Variants in DMGDH observed in about 807,000 individuals in gnomAD.
DMGDH encodes the protein dimethylglycine dehydrogenase, mitochondrial.
A neutral mutation model predicts 95.2 loss-of-function variants in DMGDH; 76 were observed. The ratio of observed to expected loss-of-function variants is 0.80; its 90% CI spans 0.66 to 0.97. DMGDH has a LOEUF of 0.97. DMGDH is among the 50% of genes least tolerant of loss of function. DMGDH has a pLI of 0.00. For synonymous variants in DMGDH, 345 were observed against 377.6 expected, an observed-to-expected ratio of 0.91 and a Z score of 1.00; for missense variants, 987 against 1,055.0, an observed-to-expected ratio of 0.94 and a Z score of 0.89.
chr5:79,044,915 A>T (rs533654013), intron 5 of DMGDH, among the ~76,000 whole-genome samples: 298 of 152,328 alleles, frequency 2.0e-3, no homozygotes, highest in Middle Eastern at 3.4e-3. Flanking sequence ...CCGTAACAAG[A>T]CTGCCCATAT....
At chr5:79,021,187 C>T (rs755199455) in intron 14 of DMGDH, 118 of 993,240 alleles carry the variant, frequency 1.2e-4, no homozygotes, top group Middle Eastern at 1.0e-3. Flanking sequence ...CTACGGAGCA[C>T]TTCCCACAAG....
At chr5:79,065,335 C>T (rs566758701) in intron 1 of DMGDH, among the ~76,000 whole-genome samples, 1 of 151,726 alleles carries the variant, frequency 6.6e-6, no homozygotes, top group African/African-American at 2.4e-5. Context: ...CCTTAGCCTC[C>T]CGAGTAGCTG....
intron 5 of DMGDH, among the ~76,000 whole-genome samples, chr5:79,050,265 AAAAAAAAAATATATATATATAT>A (rs1336056542): frequency 1.9e-5 from 1 of 52,658 alleles, no homozygotes; most frequent in Non-Finnish European, 3.7e-5. Context: ...AAAAAAAAAA[AAAAAAAAAATATATATATATAT>A]ATATATATAT....
chr5:79,008,935 T>G (rs762629129), intron 14 of DMGDH, among the ~76,000 whole-genome samples: 26 of 152,172 alleles, frequency 1.7e-4, no homozygotes, highest in Non-Finnish European at 3.5e-4. Flanking sequence ...TAATCCCCAG[T>G]TTATGAAAGA....
chr5:79,019,158 C>T (rs762332511), intron 14 of DMGDH, among the ~76,000 whole-genome samples: 51 of 152,124 alleles, frequency 3.4e-4, no homozygotes, highest in Non-Finnish European at 7.2e-4. Flanking sequence ...GATTAAAAAT[C>T]TCAGCATGAA....
intron 2 of DMGDH, among the ~76,000 whole-genome samples, chr5:79,057,429 G>A (rs991518592): frequency 4.6e-5 from 7 of 152,122 alleles, no homozygotes; most frequent in African/African-American, 1.7e-4. Flanking sequence ...ACTCAAATAT[G>A]CCATTAAAGT....
chr5:79,042,498 T>G lies in DMGDH; in HGVS notation c.995-17A>C. 6.2e-7 allele frequency: 1 copy of G among 1,613,866 alleles called. No individual in the cohort carries two copies. On this transcript the variant is annotated splice_polypyrimidine_tract_variant and intron_variant, in intron 6 of 15. Transcript: ENST00000255189. ...TTCCAAAACCTAAAAAGATTTGCCC[T>G]TGTGGTCAGGATGCCGTAGCTGAGC...
chr5:79,062,265 T>C (rs1370508823), intron 2 of DMGDH, among the ~76,000 whole-genome samples: 5 of 151,926 alleles, frequency 3.3e-5, no homozygotes, highest in Non-Finnish European at 7.4e-5. Context: ...CTAGCATTGA[T>C]AGGTGTTTTC....
chr5:79,041,149 A>G (rs1002756450), intron 7 of DMGDH, among the ~76,000 whole-genome samples: 1 of 152,200 alleles, frequency 6.6e-6, no homozygotes, highest in Admixed American at 6.5e-5. Flanking sequence ...AGATGATTTT[A>G]TCTCCCATCT....
intron 14 of DMGDH, among the ~76,000 whole-genome samples, chr5:79,007,971 T>C (rs916040674): frequency 2.0e-5 from 3 of 152,306 alleles, no homozygotes; most frequent in East Asian, 3.9e-4. Context: ...AAAATGTTTT[T>C]CCTCAATGTT....
At chr5:79,030,484 A>C (rs926420054) in intron 10 of DMGDH, 28 of 279,210 alleles carry the variant, frequency 1.0e-4, no homozygotes, top group African/African-American at 6.2e-4. Context: ...GTCTCTGCTA[A>C]AGAATACAAA....
At chr5:79,011,061 C>T (rs1444316905) in intron 14 of DMGDH, among the ~76,000 whole-genome samples, 2 of 152,194 alleles carry the variant, frequency 1.3e-5, no homozygotes, top group Non-Finnish European at 2.9e-5. Context: ...ACTTTCTTCA[C>T]TCAGTTGTGC....
At chr5:79,024,795 G>A (rs1753953991) in intron 13 of DMGDH, among the ~76,000 whole-genome samples, 1 of 152,238 alleles carries the variant, frequency 6.6e-6, no homozygotes, top group African/African-American at 2.4e-5. Flanking sequence ...GGAATAAGCG[G>A]AGTTTGAATC....
chr5:79,059,927 CATG>C (rs1755147751), intron 2 of DMGDH, among the ~76,000 whole-genome samples: 1 of 152,212 alleles, frequency 6.6e-6, no homozygotes, highest in Non-Finnish European at 1.5e-5. Context: ...TTTCATCACA[CATG>C]ATATTATTTA....
At position 79,063,706 on chromosome 5, in the gene DMGDH, A is replaced by G. The variant is rs1259445629; in HGVS notation, c.183T>C (p.Gly61=). The change falls in exon 2 of 16, where the codon GGT becomes GGC. Residue 61 remains glycine (G), a synonymous_variant. Transcript: ENST00000255189. ...TGGCCAGGTGATAAGCCAGACTCAC[A>G]CCAACACAGCCACCTCCAATTATCA... ...ETVIIGGGCV[G]VSLAYHLAKA... is the part of the protein sequence containing the mutation. The G allele has an allele frequency of 6.2e-7, 1 of 1,614,210 alleles. No individual in the cohort carries two copies. Among genetic ancestry groups the G allele is most frequent in the African/African-American group, 1.3e-5 (1 of 75,058 alleles).
intron 1 of DMGDH, among the ~76,000 whole-genome samples, chr5:79,067,017 G>C (rs984651090): frequency 2.0e-5 from 3 of 152,008 alleles, no homozygotes; most frequent in African/African-American, 7.3e-5. Context: ...TTGTTTGTTG[G>C]TTGTTTATAT....
chr5:79,045,502 T>A (rs940638016), intron 5 of DMGDH, among the ~76,000 whole-genome samples: 1 of 152,230 alleles, frequency 6.6e-6, no homozygotes, highest in Non-Finnish European at 1.5e-5. Context: ...GGACATCCTG[T>A]AATCATCACA....
intron 8 of DMGDH, 113 bp downstream of exon 8, chr5:79,033,126 G>T: frequency 7.5e-7 from 1 of 1,326,324 alleles, no homozygotes. Context: ...AATGCTTTTT[G>T]GAGTCCCTAA....
intron 15 of DMGDH, among the ~76,000 whole-genome samples, chr5:79,003,790 T>G (rs1022540486): frequency 6.6e-6 from 1 of 151,778 alleles, no homozygotes. Context: ...CTACTAAAAA[T>G]ACAAAAATTA....
Sources: allele counts gnomAD v4.1 joint callset (sites outside exome capture counted in the v4.1 genomes callset), GRCh38; gene constraint gnomAD v4.1.1; transcripts MANE v1.5; gene names NCBI Gene and HGNC (gene_info 2026-07-23, HGNC 2026-07-21).